DNAJC15: variants seen among roughly 807,000 people sequenced by gnomAD.
The protein encoded by DNAJC15 is dnaJ homolog subfamily C member 15.
Under a neutral mutation model 22.4 loss-of-function variants are expected in DNAJC15, and 27 were observed. The observed-to-expected ratio is 1.20, with a 90% CI of 0.89 to 1.66. The LOEUF is 1.66. Among genes scored for constraint, DNAJC15 ranks in the 40% most tolerant of loss-of-function variants. The pLI, the probability that DNAJC15 is intolerant of heterozygous loss-of-function variation, is 0.00. For missense variants in DNAJC15, 208 were observed against 187.1 expected, an observed-to-expected ratio of 1.11 and a Z score of -0.65; for synonymous variants, 79 against 63.2, an observed-to-expected ratio of 1.25 and a Z score of -1.19.
chr13:43,068,242 T>C (rs2040592638), intron 2 of DNAJC15, among the ~76,000 whole-genome samples: 1 of 152,128 alleles, frequency 6.6e-6, no homozygotes, highest in Admixed American at 6.5e-5. Context: ...TATTTTACTC[T>C]TATTTGATGC....
chr13:43,077,726 G>A (rs1310151151), intron 3 of DNAJC15, among the ~76,000 whole-genome samples: 2 of 152,182 alleles, frequency 1.3e-5, no homozygotes, highest in Non-Finnish European at 2.9e-5. Context: ...CACGCCTGAT[G>A]GGGATCTGAT....
rs2040828403 is a variant in DNAJC15 at position 43,112,280 on chromosome 13, A to C, written c.*5032A>C. The C allele has an allele frequency of 6.6e-6, 1 of 152,222 alleles. No homozygotes were observed. Among genetic ancestry groups the C allele is most frequent in the African/African-American group, 2.4e-5 (1 of 41,458 alleles). 9.4% of individuals were successfully genotyped at this position (152,222 alleles called of 1,614,324 possible). A position where few individuals can be genotyped will look rare whatever the true frequency, so the allele number is the denominator to read the frequency against. On this transcript the variant is annotated 3_prime_UTR_variant, in exon 6 of 6. Coordinates refer to ENST00000379221, the MANE Select transcript of DNAJC15 (RefSeq NM_013238.3). ...TAATAACCCTTTCCCTCTCTGTTCGATTCAACAGTATCTAGCAGCACTGCT... is the reference window on the plus strand; with the variant it reads ...TAATAACCCTTTCCCTCTCTGTTCGCTTCAACAGTATCTAGCAGCACTGCT...
chr13:43,023,843 C>G, intron 1 of DNAJC15, 109 bp downstream of exon 1: 1 of 1,036,398 alleles, frequency 9.6e-7, no homozygotes, highest in South Asian at 1.5e-5. Context: ...CATTCGCTCA[C>G]GGTCTGTGCC....
At position 43,064,984 on chromosome 13, in the gene DNAJC15, A is replaced by G. The variant is rs892497077; in HGVS notation, c.109-702A>G. On this transcript the variant is annotated intron_variant, in intron 1 of 5. Transcript: ENST00000379221. ...CTGATCATATTGAAAAAAAAAAAAA[A>G]AGAGAATGGATATTGAGGATTACCA... 1.9e-4 allele frequency among the ~76,000 whole-genome samples: 28 copies of G among 147,534 alleles called. No individual in the cohort carries two copies. In the East Asian group the frequency reaches 4.9e-3, roughly 26 times the overall value.
At chr13:43,093,434 A>G (rs1043946369) in intron 5 of DNAJC15, among the ~76,000 whole-genome samples, 5 of 152,182 alleles carry the variant, frequency 3.3e-5, no homozygotes, top group Non-Finnish European at 7.3e-5. Flanking sequence ...TCATTGAGAC[A>G]GGGTCTTGTT....
chr13:43,033,776 C>T (rs890469552), intron 1 of DNAJC15, among the ~76,000 whole-genome samples: 6 of 151,984 alleles, frequency 3.9e-5, no homozygotes, highest in Non-Finnish European at 7.4e-5. Flanking sequence ...TGCCTGTAAT[C>T]CCAGCACTTT....
chr13:43,041,527 G>A (rs944387284), intron 1 of DNAJC15, among the ~76,000 whole-genome samples: 2 of 152,122 alleles, frequency 1.3e-5, no homozygotes, highest in African/African-American at 2.4e-5. Flanking sequence ...TATTTAACAT[G>A]TCTTGTAGAT....
At chr13:43,045,055 G>A (rs77766409) in intron 1 of DNAJC15, among the ~76,000 whole-genome samples, 124 of 152,190 alleles carry the variant, frequency 8.1e-4, no homozygotes, top group Non-Finnish European at 1.6e-3. Flanking sequence ...GACCATATAA[G>A]GCCCAGCATG....
chr13:43,036,604 G>A (rs1309224774), intron 1 of DNAJC15, among the ~76,000 whole-genome samples: 1 of 152,214 alleles, frequency 6.6e-6, no homozygotes, highest in African/African-American at 2.4e-5. Context: ...TAGCTTGAAG[G>A]AGGGGTTCTG....
chr13:43,068,019 A>G (rs1262900383), intron 2 of DNAJC15, among the ~76,000 whole-genome samples: 1 of 152,146 alleles, frequency 6.6e-6, no homozygotes, highest in East Asian at 1.9e-4. Context: ...ACAGAATAAC[A>G]GTATACATAG....
chr13:43,056,604 T>C (rs577383724), intron 1 of DNAJC15, among the ~76,000 whole-genome samples: 2 of 152,364 alleles, frequency 1.3e-5, no homozygotes, highest in South Asian at 2.1e-4. Context: ...ATAACCTGTC[T>C]AGTGCTGTCA....
intron 1 of DNAJC15, among the ~76,000 whole-genome samples, chr13:43,027,404 C>G (rs891679887): frequency 5.9e-5 from 9 of 152,070 alleles, no homozygotes; most frequent in Non-Finnish European, 1.5e-5. Context: ...CCTCCTCCCA[C>G]CCCCACAACT....
chr13:43,078,823 A>G (rs1180173495), intron 4 of DNAJC15, 135 bp downstream of exon 4: 1 of 654,502 alleles, frequency 1.5e-6, no homozygotes, highest in Non-Finnish European at 2.3e-6. Flanking sequence ...AAATTTTTAT[A>G]TTTTAAAGCC....
chr13:43,042,722 A>C (rs2040459624), intron 1 of DNAJC15, among the ~76,000 whole-genome samples: 2 of 151,990 alleles, frequency 1.3e-5, no homozygotes, highest in South Asian at 4.1e-4. Flanking sequence ...TTGAGGCAGT[A>C]TTTCTTCTTC....
intron 5 of DNAJC15, among the ~76,000 whole-genome samples, chr13:43,098,775 C>T (rs528712758): frequency 6.6e-6 from 1 of 152,294 alleles, no homozygotes; most frequent in South Asian, 2.1e-4. Context: ...TAGTACCACA[C>T]TGTCTTGATT....
At chr13:43,046,941 C>T (rs1020032898) in intron 1 of DNAJC15, among the ~76,000 whole-genome samples, 11 of 152,162 alleles carry the variant, frequency 7.2e-5, no homozygotes, top group South Asian at 2.1e-4. Flanking sequence ...GTGCCCTAAT[C>T]GAGCTGAACA....
chr13:43,111,162 A>G lies in DNAJC15; in HGVS notation c.*3914A>G, dbSNP rs2040822975. 6.6e-6 allele frequency: 1 copy of G among 152,180 alleles called. No homozygotes were observed. The highest frequency in any genetic ancestry group is 2.1e-4 in the South Asian group (1 of 4,834). The allele number at this position is 152,180 out of a possible 1,614,324, so 9.4% of individuals were successfully genotyped here. On this transcript the variant is annotated 3_prime_UTR_variant, in exon 6 of 6. Coordinates refer to ENST00000379221, the MANE Select transcript of DNAJC15 (RefSeq NM_013238.3). The stretch of plus-strand genomic sequence containing the variant: ...AAAGTGGAGGGAAGTTTAGTAAGGA[A>G]AAAATGTTGGGCTTGGAATACATTG...
intron 3 of DNAJC15, among the ~76,000 whole-genome samples, chr13:43,071,904 A>G (rs2040610993): frequency 6.6e-6 from 1 of 151,950 alleles, no homozygotes; most frequent in Non-Finnish European, 1.5e-5. Flanking sequence ...TATGGAATGC[A>G]TGGATGGTAA....
chr13:43,033,911 C>T lies in DNAJC15; in HGVS notation c.108+10177C>T, dbSNP rs980154390. Among the ~76,000 whole-genome samples the T allele has an allele frequency of 4.5e-4, 68 of 151,766 alleles. 1 individual carries two copies. Among genetic ancestry groups the T allele is most frequent in the Admixed American group, 6.6e-4 (10 of 15,260 alleles). On this transcript the variant is annotated intron_variant, in intron 1 of 5. Transcript: ENST00000379221. ...GGCATGGTAGCAGGTGCCTATAATC[C>T]CAGCTACTTGGGAGGCTGAGGCAGG...
Sources: allele counts gnomAD v4.1 joint callset (sites outside exome capture counted in the v4.1 genomes callset), GRCh38; gene constraint gnomAD v4.1.1; transcripts MANE v1.5; gene names NCBI Gene and HGNC (gene_info 2026-07-23, HGNC 2026-07-21).